Variants in FRMPD4 observed in about 807,000 individuals in gnomAD.
FRMPD4 encodes FERM and PDZ domain-containing protein 4.
FRMPD4 carries 22 observed loss-of-function variants against 94.1 expected under a neutral mutation model. The observed-to-expected ratio is 0.23, with a 90% CI of 0.17 to 0.33. The LOEUF is 0.33. Ranked by LOEUF, FRMPD4 falls within the 10% of genes least tolerant of loss-of-function variation. The probability of loss-of-function intolerance (pLI) is 1.00; values close to 1 mark genes in which losing one functional copy is unlikely to be tolerated. For synonymous variants in FRMPD4, 631 were observed against 548.6 expected (o/e 1.15, Z -2.10); for missense variants, 1,111 against 1,339.9 (o/e 0.83, Z 2.67).
chrX:12,149,293 T>C (rs997203395), intron 1 of FRMPD4: 1 of 112,371 alleles, frequency 8.9e-6, no homozygotes, highest in African/African-American at 3.2e-5. Context: ...ATTCCTCTGA[T>C]GAATTTGGGC....
intron 1 of FRMPD4, among the ~76,000 whole-genome samples, chrX:12,427,073 T>C (rs1409906912): frequency 8.9e-6 from 1 of 111,831 alleles, no homozygotes; most frequent in Admixed American, 9.5e-5. Flanking sequence ...TGGTACATTG[T>C]AAGCATAATG....
At chrX:12,399,457 G>T (rs1476731708) in intron 1 of FRMPD4, among the ~76,000 whole-genome samples, 1 of 111,657 alleles carries the variant, frequency 9.0e-6, no homozygotes, top group Admixed American at 9.5e-5. Context: ...TGACCCTCAT[G>T]CAGTAGAAAA....
At chrX:12,628,125 T>C (rs952023814) in intron 4 of FRMPD4, among the ~76,000 whole-genome samples, 1 of 111,130 alleles carries the variant, frequency 9.0e-6, no homozygotes, top group Non-Finnish European at 1.9e-5. Flanking sequence ...TGGGTGGGTG[T>C]GGTGGGCAAG....
chrX:12,118,113 A>C (rs2055424462), intron 3 of FRMPD4, among the ~76,000 whole-genome samples: 1 of 111,857 alleles, frequency 8.9e-6, no homozygotes, highest in African/African-American at 3.2e-5. Flanking sequence ...ATTATTACTG[A>C]CTTCTAAAAC....
chrX:12,583,475 CG>C (rs1211045487), intron 2 of FRMPD4: 1 of 1,198,073 alleles, frequency 8.3e-7, no homozygotes, highest in Non-Finnish European at 1.1e-6. Flanking sequence ...TTCAGGTCTT[CG>C]GGAACTTTCA....
chrX:12,153,519 A>G (rs1310916410), intron 1 of FRMPD4, among the ~76,000 whole-genome samples: 1 of 112,104 alleles, frequency 8.9e-6, no homozygotes, highest in Admixed American at 9.4e-5. Context: ...ATCCTTCTCT[A>G]CTGGTTAGTG....
intron 1 of FRMPD4, among the ~76,000 whole-genome samples, chrX:12,260,724 T>C (rs2054176601): frequency 8.9e-6 from 1 of 112,257 alleles, no homozygotes; most frequent in African/African-American, 3.2e-5. Flanking sequence ...TTTCTCTTCA[T>C]GCCTCTTCTT....
intron 1 of FRMPD4, among the ~76,000 whole-genome samples, chrX:11,834,614 G>A (rs1220421934): frequency 8.1e-5 from 9 of 111,747 alleles, no homozygotes; most frequent in Non-Finnish European, 1.7e-4. Context: ...GCTGAAGATG[G>A]AAAGCTGTCA....
intron 1 of FRMPD4, among the ~76,000 whole-genome samples, chrX:12,387,430 A>G (rs1259789100): frequency 5.4e-5 from 6 of 112,086 alleles, no homozygotes; most frequent in Non-Finnish European, 1.1e-4. Context: ...GCTCAATGGA[A>G]CACTAGTCTT....
rs201743485 is a variant in FRMPD4 at position 11,893,096 on chromosome X, T to G, written c.95+15078T>G. On this transcript the variant is annotated intron_variant, in intron 3 of 18. Coordinates refer to the FRMPD4 transcript ENST00000640291. ...TTAACACCTTTGATTTTGATGGTAC[T>G]TCGGTACATTAGTGTTCACTAAACT... 3.6e-5 allele frequency among the ~76,000 whole-genome samples: 4 copies of G among 112,030 alleles called. No individual in the cohort carries two copies. In the East Asian group the frequency reaches 1.1e-3, roughly 31 times the overall value.
intron 1 of FRMPD4, among the ~76,000 whole-genome samples, chrX:12,233,981 T>A (rs1261598285): frequency 1.9e-5 from 2 of 106,342 alleles, no homozygotes; most frequent in Non-Finnish European, 3.8e-5. Flanking sequence ...GAATGAATTA[T>A]TTATTTATTT....
intron 1 of FRMPD4, among the ~76,000 whole-genome samples, chrX:12,270,181 A>G (rs1344421335): frequency 9.0e-6 from 1 of 111,542 alleles, no homozygotes; most frequent in Non-Finnish European, 1.9e-5. Flanking sequence ...TAGTTTTATT[A>G]GTTGTTTTTC....
At chrX:12,479,442 A>ACG (rs1457111746) in intron 1 of FRMPD4, among the ~76,000 whole-genome samples, 10 of 101,143 alleles carry the variant, frequency 9.9e-5, no homozygotes, top group East Asian at 6.0e-4. Context: ...ATACACACAT[A>ACG]TATGTATATA....
chrX:12,084,294 T>C (rs2055088987), intron 3 of FRMPD4, among the ~76,000 whole-genome samples: 1 of 110,925 alleles, frequency 9.0e-6, no homozygotes, highest in Non-Finnish European at 1.9e-5. Flanking sequence ...TGCTTCTTCC[T>C]AATTTTTCTC....
At chrX:11,847,152 C>A (rs2053582248) in intron 1 of FRMPD4, among the ~76,000 whole-genome samples, 1 of 111,484 alleles carries the variant, frequency 9.0e-6, no homozygotes, top group South Asian at 3.7e-4. Flanking sequence ...GGCTAATATC[C>A]AGAATGTACA....
chrX:12,521,305 A>G (rs781544472), intron 2 of FRMPD4, among the ~76,000 whole-genome samples: 42 of 111,192 alleles, frequency 3.8e-4, no homozygotes, highest in Non-Finnish European at 7.0e-4. Context: ...TCCTCCTGCA[A>G]TACCTATAAT....
chrX:12,286,171 G>GCA (rs1311645881), intron 1 of FRMPD4, among the ~76,000 whole-genome samples: 1 of 111,559 alleles, frequency 9.0e-6, no homozygotes, highest in Non-Finnish European at 1.9e-5. Context: ...ATACACACAT[G>GCA]CACACACACA....
rs1023283943 is a variant in FRMPD4, at chrX:12,722,701, A to C, written c.*843A>C. On this transcript the variant is annotated 3_prime_UTR_variant, in exon 17 of 17. Coordinates refer to ENST00000675598, the MANE Select transcript of FRMPD4 (RefSeq NM_001368397.1). ...GATCTGCTTTGACTAAATGTCAAAA[A>C]TCTGCAAACCAAAGACATTATCTTC... is the stretch of plus-strand genomic sequence containing the variant. The C allele has an allele frequency of 1.8e-5, 2 of 112,627 alleles. No homozygotes were observed. The highest frequency in any genetic ancestry group is 6.4e-5 in the African/African-American group (2 of 31,011). 9.3% of individuals were successfully genotyped at this position (112,627 alleles called of 1,213,427 possible). A position where few individuals can be genotyped will look rare whatever the true frequency, so the allele number is the denominator to read the frequency against.
At chrX:12,701,067 CTTTTTT>C (rs34465193) in intron 9 of FRMPD4, among the ~76,000 whole-genome samples, 196 of 56,576 alleles carry the variant, frequency 3.5e-3, no homozygotes, top group Middle Eastern at 0.016. Flanking sequence ...GTTTTGGCTT[CTTTTTT>C]TTTTTTTTTT....
Sources: gnomAD v4.1 joint callset for allele counts (sites outside exome capture counted in the v4.1 genomes callset) on GRCh38, gnomAD v4.1.1 for gene constraint, MANE v1.5 for transcripts, NCBI Gene and HGNC (gene_info 2026-07-23, HGNC 2026-07-21) for gene names.